FAM72B: variants seen among roughly 807,000 people sequenced by gnomAD.
FAM72B encodes protein FAM72B.
A neutral mutation model predicts 12.6 loss-of-function variants in FAM72B; 4 were observed. The ratio of observed to expected loss-of-function variants is 0.32; its 90% CI spans 0.16 to 0.73. FAM72B has a LOEUF of 0.73. FAM72B is among the 30% of genes least tolerant of loss of function. The pLI is 0.67. For synonymous variants in FAM72B, 13 were observed against 53.9 expected (o/e 0.24, Z 3.32); for missense variants, 61 against 158.4 (o/e 0.39, Z 3.30).
At chr1:121,169,700 G>A (rs1458297090) in intron 3 of FAM72B, among the ~76,000 whole-genome samples, 1 of 152,034 alleles carries the variant, frequency 6.6e-6, no homozygotes, top group African/African-American at 2.4e-5. Context: ...GTGGGTTTCA[G>A]TCCACAGGCA....
Position 121,171,918 on chromosome 1 carries a change from A to G in FAM72B, c.356-3083T>C, listed in dbSNP as rs1654098885. ...AAGACCCTTGACAACCTATCTTGCA[A>G]TTCGTGATCTTTTGGTCTGTGAAGG... is the stretch of plus-strand genomic sequence containing the variant. On this transcript the variant is annotated intron_variant, in intron 3 of 3. Transcript: ENST00000369390. 2.4e-5 allele frequency among the ~76,000 whole-genome samples: 3 copies of G among 127,366 alleles called. No individual in the cohort carries two copies. In the South Asian group the frequency reaches 7.3e-4, roughly 31 times the overall value. The allele number at this position is 127,366 out of a possible 152,430, so 83.6% of individuals were successfully genotyped here.
At chr1:121,174,862 G>T (rs1178549320) in intron 3 of FAM72B, among the ~76,000 whole-genome samples, 1 of 151,424 alleles carries the variant, frequency 6.6e-6, no homozygotes, top group Admixed American at 6.6e-5. Flanking sequence ...TGGTCAGGCT[G>T]GTCTTAAACT....
At chr1:121,181,862 TA>T (rs1321501599) in intron 1 of FAM72B, among the ~76,000 whole-genome samples, 111 of 151,884 alleles carry the variant, frequency 7.3e-4, no homozygotes, top group Middle Eastern at 3.4e-3. Context: ...AATTTTCCAT[TA>T]AAAAAATTTT....
At chr1:121,175,106 C>T (rs1654187616) in intron 3 of FAM72B, among the ~76,000 whole-genome samples, 1 of 152,124 alleles carries the variant, frequency 6.6e-6, no homozygotes, top group African/African-American at 2.4e-5. Flanking sequence ...TAAGTTGAAT[C>T]CAATGCTCAT....
chr1:121,179,991 AAG>A (rs1194685165), intron 2 of FAM72B, among the ~76,000 whole-genome samples: 2 of 92,490 alleles, frequency 2.2e-5, no homozygotes, highest in Non-Finnish European at 3.9e-5. Context: ...AGCACATAAG[AAG>A]AGCTTGCCAA....
chr1:121,177,623 C>A (rs1418399142), intron 2 of FAM72B, among the ~76,000 whole-genome samples: 1 of 146,574 alleles, frequency 6.8e-6, no homozygotes, highest in Non-Finnish European at 1.5e-5. Flanking sequence ...GGCTGGAGTG[C>A]CTGCAACCTC....
chr1:121,172,832 C>T (rs1654123516), intron 3 of FAM72B, among the ~76,000 whole-genome samples: 1 of 134,318 alleles, frequency 7.4e-6, no homozygotes, highest in South Asian at 2.5e-4. Flanking sequence ...CCATGTAATC[C>T]CAGCACTTTG....
intron 3 of FAM72B, among the ~76,000 whole-genome samples, chr1:121,173,164 T>G (rs1654138520): frequency 6.7e-6 from 1 of 149,866 alleles, no homozygotes; most frequent in Non-Finnish European, 1.5e-5. Flanking sequence ...GAATTGGTAG[T>G]GTACTTTCTT....
chr1:121,179,723 G>A (rs1488834569), intron 2 of FAM72B, among the ~76,000 whole-genome samples: 1 of 145,674 alleles, frequency 6.9e-6, no homozygotes, highest in Admixed American at 6.8e-5. Context: ...AGCTACTCAG[G>A]AGGCTGAGGC....
In FAM72B at chr1:121,168,818, A is replaced by G. The variant is rs15815; in HGVS notation, c.373T>C (p.Trp125Arg). The G allele has an allele frequency of 1.9e-6, 3 of 1,609,690 alleles. No individual in the cohort carries two copies. The highest frequency in any genetic ancestry group is 1.1e-5 in the South Asian group (1 of 90,370). ...TCTTCTATCTCTGGCAAGTTGCCCC[A>G]AAGTAGGATGTTTACACCTGAAAAT... ...LDSTGVNILL[W>R]GNLPEIEEST... Residue 125 changes from tryptophan to arginine, a missense_variant, in exon 4 of 4, where the codon TGG (tryptophan) becomes CGG (arginine). Around this residue, in one of 2 missense-constraint regions of FAM72B, gnomAD observed 49 missense variants for 80.4 expected, o/e 0.61. Transcript: ENST00000369390.
At chr1:121,179,821 C>A (rs1654294380) in intron 2 of FAM72B, among the ~76,000 whole-genome samples, 1 of 141,916 alleles carries the variant, frequency 7.0e-6, no homozygotes, top group Non-Finnish European at 1.5e-5. Context: ...GAGCAAAACT[C>A]CGTCTTAAAA....
chr1:121,183,712 C>A lies in FAM72B; in HGVS notation c.-223G>T. 4.3e-6 allele frequency: 2 copies of A among 466,680 alleles called. No individual in the cohort carries two copies. The highest frequency in any genetic ancestry group is 4.4e-5 in the South Asian group (2 of 45,768). 28.9% of individuals were successfully genotyped at this position (466,680 alleles called of 1,614,324 possible). A position where few individuals can be genotyped will look rare whatever the true frequency, so the allele number is the denominator to read the frequency against. ...AGGGGAGCGTGGCAAACTTGGCTTT[C>A]CTTTTAACTTTTGGAGAAGGGAGTG... On this transcript the variant is annotated 5_prime_UTR_variant, in exon 1 of 4. Coordinates refer to ENST00000369390, the MANE Select transcript of FAM72B (RefSeq NM_001100910.2).
intron 3 of FAM72B, among the ~76,000 whole-genome samples, chr1:121,169,735 C>T (rs1210971632): frequency 6.6e-6 from 1 of 151,686 alleles, no homozygotes; most frequent in Non-Finnish European, 1.5e-5. Context: ...ACTTTAGGGC[C>T]AGGTTGCAGC....
In FAM72B at chr1:121,183,767, GT is replaced by G; in HGVS notation, c.-279del. On this transcript the variant is annotated 5_prime_UTR_variant, in exon 1 of 4. Transcript: ENST00000369390. ...TTGAATTGGAGAGGAGGCAGGTGGAGTTTGAAGGGAACTTCTCAACGGCTTT... is the reference window on the plus strand; with the variant it reads ...TTGAATTGGAGAGGAGGCAGGTGGAGTTGAAGGGAACTTCTCAACGGCTTT... The G allele has an allele frequency of 6.6e-6, 1 of 150,888 alleles. No homozygotes were observed. The highest frequency in any genetic ancestry group is 2.6e-5 in the African/African-American group (1 of 38,994). 9.3% of individuals were successfully genotyped at this position (150,888 alleles called of 1,614,324 possible).
intron 1 of FAM72B, among the ~76,000 whole-genome samples, chr1:121,182,187 G>A (rs1350268043): frequency 1.3e-5 from 2 of 151,006 alleles, no homozygotes; most frequent in African/African-American, 2.4e-5. Context: ...ATACATATAC[G>A]ATGTACACAC....
intron 2 of FAM72B, among the ~76,000 whole-genome samples, chr1:121,178,614 T>G (rs1194735680): frequency 7.2e-6 from 1 of 139,728 alleles, no homozygotes; most frequent in African/African-American, 2.7e-5. Flanking sequence ...TATTCATTCA[T>G]TCATCCATTG....
chr1:121,183,712 C>T lies in FAM72B; in HGVS notation c.-223G>A, dbSNP rs1323297865. 1.1e-5 allele frequency: 5 copies of T among 466,566 alleles called. No homozygotes were observed. The East Asian group carries it at 1.7e-4, about 16-fold the overall frequency. The allele number at this position is 466,566 out of a possible 1,614,324, so 28.9% of individuals were successfully genotyped here. ...AGGGGAGCGTGGCAAACTTGGCTTT[C>T]CTTTTAACTTTTGGAGAAGGGAGTG... On this transcript the variant is annotated 5_prime_UTR_variant, in exon 1 of 4. Coordinates refer to ENST00000369390, the MANE Select transcript of FAM72B (RefSeq NM_001100910.2).
In FAM72B at chr1:121,168,692, T is replaced by C; in HGVS notation, c.*49A>G. 7.5e-7 allele frequency: 1 copy of C among 1,339,282 alleles called. No homozygotes were observed. The highest frequency in any genetic ancestry group is 9.8e-7 in the Non-Finnish European group (1 of 1,016,272). The allele number at this position is 1,339,282 out of a possible 1,614,324, so 83.0% of individuals were successfully genotyped here. On this transcript the variant is annotated 3_prime_UTR_variant, in exon 4 of 4. Coordinates refer to ENST00000369390, the MANE Select transcript of FAM72B (RefSeq NM_001100910.2). ...CAATTTTAAAGTTGATCCATTAATA[T>C]ATTTTTAAATAGAAAAAAGTTTGTA...
chr1:121,179,976 C>A (rs1189400918), intron 2 of FAM72B, among the ~76,000 whole-genome samples: 7 of 105,060 alleles, frequency 6.7e-5, no homozygotes, highest in Non-Finnish European at 1.2e-4. Flanking sequence ...GGAATGAAAT[C>A]AAATAGCACA....
Sources: allele counts gnomAD v4.1 joint callset (sites outside exome capture counted in the v4.1 genomes callset), GRCh38; gene constraint gnomAD v4.1.1; regional missense constraint gnomAD v4.1.1; transcripts MANE v1.5; gene names NCBI Gene and HGNC (gene_info 2026-07-23, HGNC 2026-07-21).